Variants in ZSCAN21 observed in about 807,000 individuals in gnomAD.
The protein encoded by ZSCAN21 is zinc finger and SCAN domain containing 21.
ZSCAN21 carries 26 observed loss-of-function variants against 35.6 expected under a neutral mutation model. That is an observed-to-expected ratio of 0.73 (90% confidence interval 0.54 to 1.01). The LOEUF (loss-of-function observed/expected upper bound fraction) is 1.01, where lower values mean the gene tolerates loss of function less well. Among genes scored for constraint, ZSCAN21 ranks in the 50% least tolerant of loss-of-function variants. The pLI, the probability that ZSCAN21 is intolerant of heterozygous loss-of-function variation, is 0.00. For synonymous variants in ZSCAN21, 219 were observed against 219.3 expected, an observed-to-expected ratio of 1.00 and a Z score of 0.01; for missense variants, 593 against 587.1, an observed-to-expected ratio of 1.01 and a Z score of -0.10.
intron 3 of ZSCAN21, among the ~76,000 whole-genome samples, chr7:100,059,778 C>T (rs1009526251): frequency 1.3e-5 from 2 of 151,864 alleles, no homozygotes; most frequent in Admixed American, 1.3e-4. Flanking sequence ...GGCGCTATAT[C>T]GGCTCACCGC....
At chr7:100,062,498 G>A (rs1466746086) in intron 3 of ZSCAN21, among the ~76,000 whole-genome samples, 2 of 151,600 alleles carry the variant, frequency 1.3e-5, no homozygotes, top group African/African-American at 2.4e-5. Flanking sequence ...GGGAGGCTGA[G>A]GCAGGAGAAT....
Position 100,063,774 on chromosome 7 carries a change from G to A in ZSCAN21, c.593-14G>A, listed in dbSNP as rs1365105293. The A allele has an allele frequency of 6.3e-7, 1 of 1,592,692 alleles. No individual in the cohort carries two copies. Among genetic ancestry groups the A allele is most frequent in the Non-Finnish European group, 8.5e-7 (1 of 1,171,402 alleles). Reference sequence around the variant, plus strand: ...GAAACAACTGAAGTATCCTTAATCTGCTTATTGTTTCAGATTGCAGATTGA... The same window carrying A: ...GAAACAACTGAAGTATCCTTAATCTACTTATTGTTTCAGATTGCAGATTGA... On this transcript the variant is annotated splice_polypyrimidine_tract_variant and intron_variant, in intron 3 of 3. Coordinates refer to ENST00000292450, the MANE Select transcript of ZSCAN21 (RefSeq NM_145914.3).
chr7:100,063,916 T>C lies in ZSCAN21; in HGVS notation c.721T>C (p.Cys241Arg), dbSNP rs761989633. ...ACCTGAGGCCAGCTTAGAGAGGCAGTGCGTAAACCTTGAAAATGAAAAAGG... is the reference window on the plus strand; with the variant it reads ...ACCTGAGGCCAGCTTAGAGAGGCAGCGCGTAAACCTTGAAAATGAAAAAGG... ...NKPEASLERQ[C>R]VNLENEKGTK... Residue 241 changes from cysteine to arginine, a missense_variant, in exon 4 of 4, where the codon TGC becomes CGC. Transcript: ENST00000292450. 8 of 1,614,098 alleles carry C rather than the reference T, an allele frequency of 5.0e-6. No individual in the cohort carries two copies. The highest frequency in any genetic ancestry group is 3.3e-4 in the Middle Eastern group (2 of 6,062).
intron 1 of ZSCAN21, among the ~76,000 whole-genome samples, chr7:100,054,710 G>A (rs1792011145): frequency 6.6e-6 from 1 of 150,500 alleles, no homozygotes; most frequent in Admixed American, 6.6e-5. Context: ...GTGGTGGTGC[G>A]TGCCTGTAGT....
Position 100,064,022 on chromosome 7 carries a change from GT to G in ZSCAN21, c.829del (p.Tyr277IlefsTer209). 10 of 1,614,148 alleles carry G rather than the reference GT, an allele frequency of 6.2e-6. No homozygotes were observed. Among genetic ancestry groups the G allele is most frequent in the Non-Finnish European group, 7.6e-6 (9 of 1,180,008 alleles). The part of the protein sequence containing the change: ...VPTKPTPGER[R>X]YICAECGKAF... ...ACTAAACCTACCCCAGGAGAGAGACGTTATATATGTGCTGAATGTGGCAAAG... is the reference window on the plus strand; with the variant it reads ...ACTAAACCTACCCCAGGAGAGAGACGTATATATGTGCTGAATGTGGCAAAG... On this transcript the variant is annotated frameshift_variant, in exon 4 of 4. Coordinates refer to ENST00000292450, the MANE Select transcript of ZSCAN21 (RefSeq NM_145914.3). LOFTEE classifies it high-confidence loss of function.
intron 3 of ZSCAN21, among the ~76,000 whole-genome samples, chr7:100,058,811 A>G (rs992264132): frequency 6.6e-6 from 1 of 152,072 alleles, no homozygotes; most frequent in African/African-American, 2.4e-5. Context: ...TGGGGCTCAA[A>G]TGATCCTCCC....
At position 100,057,150 on chromosome 7, in the gene ZSCAN21, C is replaced by A; in HGVS notation, c.144C>A (p.Phe48Leu). The part of the protein sequence containing the change: ...LPSLEMFRQR[F>L]RQFGYHDTPG... ...GCCTGGAGATGTTCCGCCAGCGCTTCAGGCAGTTTGGGTACCATGATACCC... is the reference window on the plus strand; with the variant it reads ...GCCTGGAGATGTTCCGCCAGCGCTTAAGGCAGTTTGGGTACCATGATACCC... The change falls in exon 2 of 4, where the codon TTC becomes TTA. Residue 48 changes from phenylalanine (F) to leucine (L), a missense_variant. Phe to Leu is a conservative substitution (Grantham distance 22, BLOSUM62 0). Coordinates refer to ENST00000292450, the MANE Select transcript of ZSCAN21 (RefSeq NM_145914.3). 1 of 1,614,104 alleles carries A rather than the reference C, an allele frequency of 6.2e-7. No homozygotes were observed. The highest frequency in any genetic ancestry group is 8.5e-7 in the Non-Finnish European group (1 of 1,180,042).
rs564127679 is a variant in ZSCAN21, at chr7:100,064,362, G to A, written c.1167G>A (p.Gln389=). 9 of 1,614,132 alleles carry A rather than the reference G, an allele frequency of 5.6e-6. No individual in the cohort carries two copies. In the Admixed American group the frequency reaches 1.0e-4, roughly 18 times the overall value. Residue 389 remains glutamine (Q), a synonymous_variant, in exon 4 of 4, where the codon CAG becomes CAA. Coordinates refer to ENST00000292450, the MANE Select transcript of ZSCAN21 (RefSeq NM_145914.3). ...TCCACACTGGGGAGAAGCCTTATCAGTGTAACGAATGTGGGAAGAGCTTCA... is the reference window on the plus strand; with the variant it reads ...TCCACACTGGGGAGAAGCCTTATCAATGTAACGAATGTGGGAAGAGCTTCA... ...YRIHTGEKPY[Q]CNECGKSFSQ... is the part of the protein sequence containing the mutation.
chr7:100,053,585 CTG>C (rs1250128604), intron 1 of ZSCAN21, among the ~76,000 whole-genome samples: 4 of 118,832 alleles, frequency 3.4e-5, no homozygotes, highest in Admixed American at 3.0e-4. Flanking sequence ...GAGTCTTACT[CTG>C]TTACCCAGGC....
At chr7:100,061,515 C>T (rs915966567) in intron 3 of ZSCAN21, among the ~76,000 whole-genome samples, 2 of 152,210 alleles carry the variant, frequency 1.3e-5, no homozygotes, top group African/African-American at 4.8e-5. Context: ...GAGCCAGACT[C>T]TATCTCAAAA....
chr7:100,051,816 C>G (rs1397321383), intron 1 of ZSCAN21, among the ~76,000 whole-genome samples: 2 of 151,984 alleles, frequency 1.3e-5, no homozygotes, highest in African/African-American at 4.8e-5. Flanking sequence ...TATGATAGAC[C>G]ATGAACTTTT....
Position 100,057,692 on chromosome 7 carries a change from C to T in ZSCAN21, c.400-6C>T, listed in dbSNP as rs756961988. 6.2e-7 allele frequency: 1 copy of T among 1,604,062 alleles called. No individual in the cohort carries two copies. The highest frequency in any genetic ancestry group is 8.5e-7 in the Non-Finnish European group (1 of 1,175,100). On this transcript the variant is annotated splice_polypyrimidine_tract_variant and splice_region_variant and intron_variant, in intron 2 of 3. Transcript: ENST00000292450. ...CACAAACCTAGCCATTCCTGATTGT[C>T]TCTAGGTCTCAACTCCTCCAAACGA... is the stretch of plus-strand genomic sequence containing the variant.
intron 3 of ZSCAN21, among the ~76,000 whole-genome samples, chr7:100,060,693 T>C (rs1258272185): frequency 9.5e-5 from 14 of 147,622 alleles, no homozygotes; most frequent in South Asian, 2.2e-4. Context: ...ATAGTGAAAC[T>C]CCATCTCAAC....
Position 100,051,282 on chromosome 7 carries a change from C to CTTTT in ZSCAN21, c.-97+1467_-97+1470dup, listed in dbSNP as rs1164734568. 4.0e-4 allele frequency among the ~76,000 whole-genome samples: 14 copies of CTTTT among 34,966 alleles called. 5 individuals are homozygous for CTTTT. The highest frequency in any genetic ancestry group is 6.7e-4 in the Non-Finnish European group (13 of 19,316). 22.9% of individuals were successfully genotyped at this position (34,966 alleles called of 152,430 possible). ...GGCTGCCTAGGGATCTAGGGATTTT[C>CTTTT]TTTTTTTTTTTTTTTTTTTTTTTTT... On this transcript the variant is annotated intron_variant, in intron 1 of 3. Transcript: ENST00000292450.
chr7:100,061,847 T>G (rs1792299785), intron 3 of ZSCAN21, among the ~76,000 whole-genome samples: 1 of 152,194 alleles, frequency 6.6e-6, no homozygotes, highest in African/African-American at 2.4e-5. Flanking sequence ...CTAACAGTTC[T>G]CCAAGGGGTC....
In ZSCAN21 at chr7:100,064,792, A is replaced by G. The variant is rs1207569289; in HGVS notation, c.*175A>G. ...AACATGGCAGGCAGGAGGTCCTCAG[A>G]AGGTGTCAGGAGGTTCCACACTCGC... On this transcript the variant is annotated 3_prime_UTR_variant, in exon 4 of 4. Coordinates refer to ENST00000292450, the MANE Select transcript of ZSCAN21 (RefSeq NM_145914.3). The G allele has an allele frequency of 6.2e-7, 1 of 1,614,128 alleles. No individual in the cohort carries two copies. Among genetic ancestry groups the G allele is most frequent in the Admixed American group, 1.7e-5 (1 of 60,000 alleles).
chr7:100,059,615 C>T (rs1348882607), intron 3 of ZSCAN21, among the ~76,000 whole-genome samples: 1 of 142,470 alleles, frequency 7.0e-6, no homozygotes. Flanking sequence ...TGCATTTATG[C>T]AATCTCGGCT....
Position 100,056,987 on chromosome 7 carries a change from A to C in ZSCAN21, c.-20A>C. 6.4e-7 allele frequency: 1 copy of C among 1,557,084 alleles called. No individual in the cohort carries two copies. Among genetic ancestry groups the C allele is most frequent in the Non-Finnish European group, 8.7e-7 (1 of 1,150,788 alleles). The stretch of plus-strand genomic sequence containing the variant: ...GCCCCACAGAGTCCCATCTTTGGTG[A>C]GGCTGTTTCTGGAGTTTACATGATG... On this transcript the variant is annotated 5_prime_UTR_variant, in exon 2 of 4. Coordinates refer to ENST00000292450, the MANE Select transcript of ZSCAN21 (RefSeq NM_145914.3).
Position 100,063,900 on chromosome 7 carries a change from C to T in ZSCAN21, c.705C>T (p.Ala235=). ...ISVIIANKPE[A]SLERQCVNLE... ...TGATTATCGCCAATAAACCTGAGGC[C>T]AGCTTAGAGAGGCAGTGCGTAAACC... The change falls in exon 4 of 4, where the codon GCC becomes GCT. Residue 235 remains alanine (A), a synonymous_variant. Coordinates refer to ENST00000292450, the MANE Select transcript of ZSCAN21 (RefSeq NM_145914.3). The T allele has an allele frequency of 6.2e-7, 1 of 1,614,082 alleles. No homozygotes were observed. The highest frequency in any genetic ancestry group is 8.5e-7 in the Non-Finnish European group (1 of 1,180,040).
Sources: gnomAD v4.1 joint callset for allele counts (sites outside exome capture counted in the v4.1 genomes callset) on GRCh38, gnomAD v4.1.1 for gene constraint, MANE v1.5 for transcripts, NCBI Gene and HGNC (gene_info 2026-07-23, HGNC 2026-07-21) for gene names.